The following ACKR3 variants were observed in gnomAD, a reference collection of about 807,000 sequenced individuals.
ACKR3 encodes atypical chemokine receptor 3.
Under a neutral mutation model 22.4 loss-of-function variants are expected in ACKR3, and 6 were observed. The observed-to-expected ratio is 0.27, with a 90% CI of 0.15 to 0.53. The LOEUF (loss-of-function observed/expected upper bound fraction) is 0.53. Ranked by LOEUF, ACKR3 falls within the 20% of genes least tolerant of loss-of-function variation. The pLI, the probability that ACKR3 is intolerant of heterozygous loss-of-function variation, is 0.96. For missense variants in ACKR3, 396 were observed against 475.2 expected, an observed-to-expected ratio of 0.83 and a Z score of 1.55; for synonymous variants, 209 against 205.2, an observed-to-expected ratio of 1.02 and a Z score of -0.16.
At chr2:236,538,609 G>T in the ACKR3 span, among the ~76,000 whole-genome samples, 1,278 of 152,298 alleles carry the variant, frequency 8.4e-3, 19 homozygotes, top group African/African-American at 0.03. Flanking sequence ...CTGAGAAGTG[G>T]CTGGGGTAAG....
chr2:236,574,387 G>A lies in ACKR3; in HGVS notation c.-27+4463G>A, dbSNP rs1691366991. On this transcript the variant is annotated intron_variant, in intron 1 of 1. Transcript: ENST00000272928. This position sits in a 1 kb window ranked among gnomAD's most constrained non-coding sequence, Gnocchi z 5.6. ...AGACTTGGTGGGGGGTGCGGGGCCT[G>A]GTAGGAATGAGGTGGAGGGGCAAGA... Among the ~76,000 whole-genome samples, 1 of 152,108 alleles carries A rather than the reference G, an allele frequency of 6.6e-6. No individual in the cohort carries two copies. Among genetic ancestry groups the A allele is most frequent in the African/African-American group, 2.4e-5 (1 of 41,414 alleles).
At chr2:236,568,148 C>A (rs1001331088), upstream of ACKR3, among the ~76,000 whole-genome samples, 1 of 152,230 alleles carries the variant, frequency 6.6e-6, no homozygotes, top group East Asian at 1.9e-4. Flanking sequence ...TTTCTTCCAG[C>A]GACAGTACAC....
At chr2:236,537,780 C>T in the ACKR3 span, among the ~76,000 whole-genome samples, 1 of 152,270 alleles carries the variant, frequency 6.6e-6, no homozygotes, top group Non-Finnish European at 1.5e-5. Flanking sequence ...TCATCACCCA[C>T]GTGCTCTCTT....
At chr2:236,566,768 T>TCCTTCCTTCCTTCC (rs1559469809), upstream of ACKR3, among the ~76,000 whole-genome samples, 6 of 71,962 alleles carry the variant, frequency 8.3e-5, no homozygotes, top group African/African-American at 6.7e-4. Context: ...TCCTTCCTTT[T>TCCTTCCTTCCTTCC]CTTTGCTAGG....
upstream of ACKR3, among the ~76,000 whole-genome samples, chr2:236,566,265 G>A (rs1377754503): frequency 6.6e-6 from 1 of 152,194 alleles, no homozygotes. Context: ...GAGCTTAGCT[G>A]AAACCCCTTC....
At chr2:236,561,175 A>C in the ACKR3 span, among the ~76,000 whole-genome samples, 1 of 152,226 alleles carries the variant, frequency 6.6e-6, no homozygotes, top group East Asian at 1.9e-4. Flanking sequence ...ATTACTAATC[A>C]GTAAGCATAA....
intron 1 of ACKR3, among the ~76,000 whole-genome samples, chr2:236,572,462 T>C (rs1691329543): frequency 6.6e-6 from 1 of 152,232 alleles, no homozygotes; most frequent in African/African-American, 2.4e-5. Context: ...GTCAGCCAGA[T>C]AGTAAGCATC....
chr2:236,537,624 G>T, the ACKR3 span, among the ~76,000 whole-genome samples: 1 of 152,180 alleles, frequency 6.6e-6, no homozygotes, highest in Non-Finnish European at 1.5e-5. Flanking sequence ...TGGACAACTT[G>T]TCCTTCTGAA....
chr2:236,538,390 T>A, the ACKR3 span, among the ~76,000 whole-genome samples: 8 of 152,246 alleles, frequency 5.3e-5, no homozygotes, highest in Non-Finnish European at 8.8e-5. Context: ...AAAGGATCCA[T>A]CCGAGTCAGA....
chr2:236,546,912 G>A, the ACKR3 span, among the ~76,000 whole-genome samples: 2 of 152,242 alleles, frequency 1.3e-5, no homozygotes, highest in Non-Finnish European at 2.9e-5. The surrounding 1 kb of genome is among the most constrained non-coding windows in gnomAD (Gnocchi z 4.9). Context: ...GAGAGAAAGG[G>A]GCTGGCCTTG....
intron 1 of ACKR3, among the ~76,000 whole-genome samples, chr2:236,572,533 C>G (rs1359931597): frequency 6.6e-6 from 1 of 152,192 alleles, no homozygotes; most frequent in Non-Finnish European, 1.5e-5. Flanking sequence ...TATGCAGAGC[C>G]TAAGTTTGCA....
intron 1 of ACKR3, among the ~76,000 whole-genome samples, chr2:236,570,991 A>G (rs539876769): frequency 6.6e-6 from 1 of 152,320 alleles, no homozygotes; most frequent in Admixed American, 6.5e-5. Context: ...GCAAAGTCTC[A>G]ACATGGTAAC....
chr2:236,542,403 G>T, the ACKR3 span, among the ~76,000 whole-genome samples: 11 of 152,164 alleles, frequency 7.2e-5, no homozygotes, highest in African/African-American at 2.4e-4. Context: ...TTTTCATAAT[G>T]TGCTGTTGCT....
chr2:236,558,413 G>A, the ACKR3 span, among the ~76,000 whole-genome samples: 8 of 152,184 alleles, frequency 5.3e-5, no homozygotes, highest in South Asian at 6.2e-4. Flanking sequence ...GATGGGCAGC[G>A]AGAACAACCA....
the ACKR3 span, among the ~76,000 whole-genome samples, chr2:236,561,718 CT>C: frequency 6.6e-6 from 1 of 152,204 alleles, no homozygotes; most frequent in African/African-American, 2.4e-5. Context: ...TCTCAAACCC[CT>C]GATCTCTGGT....
At chr2:236,546,253 C>T in the ACKR3 span, among the ~76,000 whole-genome samples, 1 of 152,102 alleles carries the variant, frequency 6.6e-6, no homozygotes, top group Admixed American at 6.5e-5. This position sits in a 1 kb window ranked among gnomAD's most constrained non-coding sequence, Gnocchi z 4.9. Flanking sequence ...AGGTGTGCCC[C>T]TGGGGGAAAA....
chr2:236,548,902 T>C, the ACKR3 span, among the ~76,000 whole-genome samples: 2 of 152,254 alleles, frequency 1.3e-5, no homozygotes, highest in African/African-American at 2.4e-5. This position sits in a 1 kb window ranked among gnomAD's most constrained non-coding sequence, Gnocchi z 4.3. Flanking sequence ...ACGATCATTC[T>C]GGAGTGTCAT....
At chr2:236,537,160 A>G in the ACKR3 span, among the ~76,000 whole-genome samples, 1 of 152,198 alleles carries the variant, frequency 6.6e-6, no homozygotes, top group Non-Finnish European at 1.5e-5. Flanking sequence ...ACACGGTGTT[A>G]CCTGGCTGTG....
the ACKR3 span, among the ~76,000 whole-genome samples, chr2:236,550,243 C>A: frequency 3.3e-5 from 5 of 152,174 alleles, no homozygotes; most frequent in Non-Finnish European, 7.3e-5. This position sits in a 1 kb window ranked among gnomAD's most constrained non-coding sequence, Gnocchi z 4.6. Flanking sequence ...CGTGCCTGCC[C>A]CTGGTGTCCA....
Sources: gnomAD v4.1 joint callset for allele counts (sites outside exome capture counted in the v4.1 genomes callset) on GRCh38, gnomAD v4.1.1 for gene constraint, Gnocchi (gnomAD v3.1) non-coding constraint, MANE v1.5 for transcripts, NCBI Gene and HGNC (gene_info 2026-07-23, HGNC 2026-07-21) for gene names.